Variants in HERC4 observed in about 807,000 individuals in gnomAD.
HERC4 encodes probable E3 ubiquitin-protein ligase HERC4.
Under a neutral mutation model 124.3 loss-of-function variants are expected in HERC4, and 28 were observed. The observed-to-expected ratio is 0.23, with a 90% CI of 0.17 to 0.31. The LOEUF (loss-of-function observed/expected upper bound fraction) is 0.31, where lower values mean the gene tolerates loss of function less well. Among genes scored for constraint, HERC4 ranks in the 10% least tolerant of loss-of-function variants. The pLI is 1.00. For missense variants in HERC4, 713 were observed against 1,229.3 expected (o/e 0.58, Z 6.28); for synonymous variants, 407 against 421.5 (o/e 0.97, Z 0.42).
chr10:68,072,091 T>C (rs7099234), intron 3 of HERC4, among the ~76,000 whole-genome samples: 1 of 152,186 alleles, frequency 6.6e-6, no homozygotes, highest in Non-Finnish European at 1.5e-5. Flanking sequence ...AGTAAGTCAG[T>C]ATAGCTGCAG....
chr10:68,049,590 CAAAAAAAAAA>C (rs766514516), intron 3 of HERC4, among the ~76,000 whole-genome samples: 2 of 42,622 alleles, frequency 4.7e-5, no homozygotes, highest in African/African-American at 2.3e-4. Flanking sequence ...GACACTGCCA[CAAAAAAAAAA>C]AAAAAAAAAA....
intron 8 of HERC4, among the ~76,000 whole-genome samples, chr10:68,015,653 T>TC (rs2133150605): frequency 6.6e-6 from 1 of 152,282 alleles, no homozygotes; most frequent in South Asian, 2.1e-4. Flanking sequence ...ATTACTACCC[T>TC]CCCTCAGGAA....
At chr10:68,035,386 G>A (rs1429512441) in intron 5 of HERC4, among the ~76,000 whole-genome samples, 5 of 152,096 alleles carry the variant, frequency 3.3e-5, no homozygotes, top group Non-Finnish European at 2.9e-5. Context: ...TCGAACTCCT[G>A]ACCTAGTGAT....
chr10:68,064,560 C>CA (rs538756559), intron 3 of HERC4, among the ~76,000 whole-genome samples: 27,244 of 71,174 alleles, frequency 0.38, 3,711 homozygotes, highest in East Asian at 0.54. Context: ...GATTCTCTCT[C>CA]AAAAAAAAAA....
intron 3 of HERC4, chr10:68,070,179 T>C: frequency 1.8e-5 from 18 of 984,960 alleles, no homozygotes; most frequent in Non-Finnish European, 1.9e-5. Context: ...CAACTTTTTA[T>C]CTTTTAATCC....
chr10:67,985,292 A>G (rs2036195955), intron 15 of HERC4, among the ~76,000 whole-genome samples: 1 of 152,166 alleles, frequency 6.6e-6, no homozygotes. Context: ...TACATCACTA[A>G]TATCTAATAT....
At chr10:67,932,026 C>T (rs1443667967) in intron 23 of HERC4, among the ~76,000 whole-genome samples, 1 of 151,920 alleles carries the variant, frequency 6.6e-6, no homozygotes, top group African/African-American at 2.4e-5. Context: ...GGCACAATCT[C>T]AGCTCACTGC....
At chr10:68,053,736 A>G (rs1447750777) in intron 3 of HERC4, among the ~76,000 whole-genome samples, 2 of 152,192 alleles carry the variant, frequency 1.3e-5, no homozygotes, top group South Asian at 2.1e-4. Flanking sequence ...CTCCCCTGAT[A>G]AAGTGCACAT....
intron 16 of HERC4, among the ~76,000 whole-genome samples, chr10:67,964,091 ATTT>A (rs11327388): frequency 3.1e-5 from 4 of 129,234 alleles, no homozygotes; most frequent in South Asian, 5.0e-4. Context: ...CTACCACTCC[ATTT>A]TTTTTTTTTT....
chr10:67,986,075 C>T (rs1240809253), intron 15 of HERC4, among the ~76,000 whole-genome samples: 1 of 152,166 alleles, frequency 6.6e-6, no homozygotes, highest in Non-Finnish European at 1.5e-5. Context: ...CCTCGTAGTT[C>T]ATATCTACAG....
At chr10:68,064,757 G>C (rs2041215199) in intron 3 of HERC4, among the ~76,000 whole-genome samples, 1 of 151,938 alleles carries the variant, frequency 6.6e-6, no homozygotes, top group Non-Finnish European at 1.5e-5. Context: ...TGGATCACAA[G>C]GTCAGGAGTT....
At chr10:68,001,459 A>G (rs1368944074) in intron 9 of HERC4, among the ~76,000 whole-genome samples, 3 of 152,136 alleles carry the variant, frequency 2.0e-5, no homozygotes, top group South Asian at 4.1e-4. Context: ...GCTGGGGGCC[A>G]TGGGTTTAAC....
rs35817479 is a variant in HERC4, at chr10:68,018,993, C to CT, written c.909-4808dup. On this transcript the variant is annotated intron_variant, in intron 8 of 24. Coordinates refer to ENST00000373700, the MANE Select transcript of HERC4 (RefSeq NM_015601.4). ...GTCATCATCAGCCAAAGCATTCTTT[C>CT]TTTTTTTTTTTTTTTTTTTTGAGAT... 8.2e-3 allele frequency among the ~76,000 whole-genome samples: 719 copies of CT among 87,970 alleles called. 9 individuals are homozygous for CT. Among genetic ancestry groups the CT allele is most frequent in the Non-Finnish European group, 0.011 (525 of 47,362 alleles). The allele number at this position is 87,970 out of a possible 152,430, so 57.7% of individuals were successfully genotyped here. A position where few individuals can be genotyped will look rare whatever the true frequency, so the allele number is the denominator to read the frequency against.
chr10:67,985,010 T>C (rs2036179909), intron 15 of HERC4, among the ~76,000 whole-genome samples: 2 of 152,240 alleles, frequency 1.3e-5, no homozygotes, highest in African/African-American at 4.8e-5. Flanking sequence ...TTTGTATATC[T>C]TGCTGATATG....
chr10:67,946,110 A>T (rs2033304478), intron 19 of HERC4, among the ~76,000 whole-genome samples: 1 of 151,822 alleles, frequency 6.6e-6, no homozygotes, highest in African/African-American at 2.4e-5. Flanking sequence ...AAAATTGGCC[A>T]GGCATGGTGG....
chr10:67,942,953 C>T (rs951945895), intron 19 of HERC4, among the ~76,000 whole-genome samples: 3 of 152,172 alleles, frequency 2.0e-5, no homozygotes, highest in Non-Finnish European at 2.9e-5. Context: ...ACATTTCTGA[C>T]TATTTGTGAT....
chr10:67,948,703 C>G (rs976396930), intron 19 of HERC4, among the ~76,000 whole-genome samples: 23 of 147,386 alleles, frequency 1.6e-4, no homozygotes, highest in African/African-American at 5.3e-4. Context: ...GGGGAATAAC[C>G]TGAGGTCAGG....
intron 3 of HERC4, among the ~76,000 whole-genome samples, chr10:68,053,267 T>C (rs2040403143): frequency 6.6e-6 from 1 of 152,156 alleles, no homozygotes; most frequent in Non-Finnish European, 1.5e-5. Context: ...TAGGGATGCT[T>C]CTGTTTTAAA....
At chr10:68,033,358 G>A (rs532279263) in intron 6 of HERC4, among the ~76,000 whole-genome samples, 16 of 152,088 alleles carry the variant, frequency 1.1e-4, no homozygotes, top group African/African-American at 3.9e-4. Flanking sequence ...ATTACTAGTT[G>A]TTACTAGATT....
Sources: gnomAD v4.1 joint callset for allele counts (sites outside exome capture counted in the v4.1 genomes callset) on GRCh38, gnomAD v4.1.1 for gene constraint, MANE v1.5 for transcripts, NCBI Gene and HGNC (gene_info 2026-07-23, HGNC 2026-07-21) for gene names.